MYOCD: variants seen among roughly 807,000 people sequenced by gnomAD.
MYOCD encodes the protein myocardin.
Under a neutral mutation model 96.1 loss-of-function variants are expected in MYOCD, and 32 were observed. The observed-to-expected ratio is 0.33, with a 90% CI of 0.25 to 0.45. The LOEUF (loss-of-function observed/expected upper bound fraction) is 0.45. Among genes scored for constraint, MYOCD ranks in the 20% least tolerant of loss-of-function variants. The pLI is 1.00. For synonymous variants in MYOCD, 469 were observed against 469.0 expected (o/e 1.00, Z 0.00); for missense variants, 1,133 against 1,200.6 (o/e 0.94, Z 0.83).
At chr17:12,761,021 A>C in intron 13 of MYOCD, 1 of 260,548 alleles carries the variant, frequency 3.8e-6, no homozygotes, top group Non-Finnish European at 7.4e-6. Flanking sequence ...TTCTAATCTC[A>C]ATGCCCCTAC....
intron 13 of MYOCD, chr17:12,761,626 C>G (rs909298754): frequency 1.3e-5 from 2 of 150,588 alleles, no homozygotes; most frequent in Admixed American, 1.4e-4. Flanking sequence ...CACACACACA[C>G]ACACACACAC....
intron 5 of MYOCD, 29 bp downstream of exon 5, chr17:12,723,037 T>C: frequency 6.3e-7 from 1 of 1,595,664 alleles, no homozygotes. Flanking sequence ...ATGTCTCTCC[T>C]TGGTGCTATT....
chr17:12,677,115 G>A (rs1910109628), intron 1 of MYOCD, among the ~76,000 whole-genome samples: 1 of 152,160 alleles, frequency 6.6e-6, no homozygotes, highest in Admixed American at 6.5e-5. Context: ...CATGGTTGGA[G>A]CTGGAGGCCA....
At chr17:12,701,771 TTTA>T (rs1239114419) in intron 1 of MYOCD, among the ~76,000 whole-genome samples, 2 of 152,186 alleles carry the variant, frequency 1.3e-5, no homozygotes, top group Non-Finnish European at 2.9e-5. Context: ...TTGTATATTT[TTTA>T]TTATTCGGTT....
At chr17:12,733,352 T>C (rs2032236511) in intron 5 of MYOCD, among the ~76,000 whole-genome samples, 1 of 151,252 alleles carries the variant, frequency 6.6e-6, no homozygotes, top group Non-Finnish European at 1.5e-5. Flanking sequence ...TTGGTCATTT[T>C]CTGTGTTACC....
At chr17:12,728,520 C>T (rs1159436184) in intron 5 of MYOCD, among the ~76,000 whole-genome samples, 1 of 152,140 alleles carries the variant, frequency 6.6e-6, no homozygotes, top group Admixed American at 6.5e-5. Flanking sequence ...GCTCTTGTTG[C>T]CCAGGCTGGA....
intron 5 of MYOCD, among the ~76,000 whole-genome samples, chr17:12,726,446 G>C (rs1319560595): frequency 6.6e-6 from 1 of 152,162 alleles, no homozygotes; most frequent in African/African-American, 2.4e-5. Flanking sequence ...ATCCAGCAAA[G>C]GGGGAAGAAA....
intron 1 of MYOCD, among the ~76,000 whole-genome samples, chr17:12,688,076 C>T (rs1416652794): frequency 6.6e-6 from 1 of 152,126 alleles, no homozygotes; most frequent in Non-Finnish European, 1.5e-5. Context: ...TAACAATTGC[C>T]AAAGAGTTGA....
At chr17:12,751,431 T>A (rs982887157) in intron 9 of MYOCD, among the ~76,000 whole-genome samples, 2 of 152,178 alleles carry the variant, frequency 1.3e-5, no homozygotes, top group Non-Finnish European at 2.9e-5. Flanking sequence ...ATCTGTAGTG[T>A]CCCATCATTT....
At position 12,736,190 on chromosome 17, in the gene MYOCD, G is replaced by T; in HGVS notation, c.445G>T (p.Asp149Tyr). The T allele has an allele frequency of 6.2e-7, 1 of 1,614,042 alleles. No individual in the cohort carries two copies. Among genetic ancestry groups the T allele is most frequent in the Non-Finnish European group, 8.5e-7 (1 of 1,179,976 alleles). Residue 149 changes from aspartate to tyrosine, a missense_variant, in exon 6 of 14, where the codon GAT becomes TAT. Coordinates refer to ENST00000425538, the MANE Select transcript of MYOCD (RefSeq NM_001146312.3). ...CCAGGTGAGTTTCTCCAAATCCACG[G>T]ATGCTTTTGCCTTTGAAGAGGACAG... ...GNQVSFSKST[D>Y]AFAFEEDSSS...
intron 9 of MYOCD, among the ~76,000 whole-genome samples, chr17:12,748,171 AAAAAAAAC>A (rs1448690238): frequency 2.0e-5 from 3 of 149,860 alleles, no homozygotes; most frequent in South Asian, 2.1e-4. Context: ...AAAAAAAAAA[AAAAAAAAC>A]AAAAAAACAA....
chr17:12,724,705 G>T (rs928212804), intron 5 of MYOCD, among the ~76,000 whole-genome samples: 1 of 151,764 alleles, frequency 6.6e-6, no homozygotes, highest in Non-Finnish European at 1.5e-5. Flanking sequence ...TAAATCCTTA[G>T]TATGTCTGAA....
chr17:12,748,054 C>A (rs1043618208), intron 9 of MYOCD, among the ~76,000 whole-genome samples: 2 of 149,114 alleles, frequency 1.3e-5, no homozygotes, highest in African/African-American at 4.9e-5. Context: ...TCCAGCTACT[C>A]GGGAGGCTGA....
intron 1 of MYOCD, among the ~76,000 whole-genome samples, chr17:12,688,907 C>T (rs575665938): frequency 6.6e-6 from 1 of 152,040 alleles, no homozygotes; most frequent in Non-Finnish European, 1.5e-5. Context: ...CCTAGTGTAC[C>T]CCCGGTTTAA....
chr17:12,701,578 T>A (rs1415940797), intron 1 of MYOCD, among the ~76,000 whole-genome samples: 1 of 152,142 alleles, frequency 6.6e-6, no homozygotes, highest in Non-Finnish European at 1.5e-5. Context: ...TATTTCTCCT[T>A]ACTATGAGCA....
chr17:12,748,272 T>C (rs967880233), intron 9 of MYOCD, among the ~76,000 whole-genome samples: 6 of 151,926 alleles, frequency 3.9e-5, no homozygotes, highest in African/African-American at 1.5e-4. Context: ...GAAATAATAA[T>C]TCATATTTTA....
intron 1 of MYOCD, among the ~76,000 whole-genome samples, chr17:12,697,357 ATATTTTTTTTTT>A (rs1390202028): frequency 7.0e-4 from 61 of 86,996 alleles, no homozygotes; most frequent in African/African-American, 3.2e-3. Context: ...ATATATATAT[ATATTTTTTTTTT>A]TTTTTTTTTT....
intron 5 of MYOCD, among the ~76,000 whole-genome samples, chr17:12,734,066 C>A (rs1222516424): frequency 2.0e-5 from 3 of 151,778 alleles, no homozygotes; most frequent in African/African-American, 7.3e-5. Flanking sequence ...AGAGGAGAAA[C>A]CACCCTCTCT....
chr17:12,755,188 G>C (rs905447629), intron 10 of MYOCD, among the ~76,000 whole-genome samples: 1 of 152,154 alleles, frequency 6.6e-6, no homozygotes, highest in Admixed American at 6.5e-5. Flanking sequence ...GGGAAACAAA[G>C]GTAAAAATAG....
Sources: gnomAD v4.1 joint callset for allele counts (sites outside exome capture counted in the v4.1 genomes callset) on GRCh38, gnomAD v4.1.1 for gene constraint, MANE v1.5 for transcripts, NCBI Gene and HGNC (gene_info 2026-07-23, HGNC 2026-07-21) for gene names.